Variants in ZNF726 observed in about 807,000 individuals in gnomAD.
ZNF726 encodes the protein zinc finger protein 92 pseudogene 3.
ZNF726 carries 15 observed loss-of-function variants against 11.6 expected under a neutral mutation model. The ratio of observed to expected loss-of-function variants is 1.29; its 90% CI spans 0.86 to 1.99. The LOEUF is 1.99. ZNF726 is among the 30% of genes most tolerant of loss of function. The probability of loss-of-function intolerance (pLI) is 0.00; values close to 1 mark genes in which losing one functional copy is unlikely to be tolerated. For missense variants in ZNF726, 890 were observed against 725.6 expected, an observed-to-expected ratio of 1.23 and a Z score of -2.60; for synonymous variants, 295 against 243.6, an observed-to-expected ratio of 1.21 and a Z score of -1.96.
intron 3 of ZNF726, among the ~76,000 whole-genome samples, chr19:23,926,963 C>G (rs887931695): frequency 6.6e-6 from 1 of 152,000 alleles, no homozygotes; most frequent in Non-Finnish European, 1.5e-5. Context: ...TAAAAAACCC[C>G]TATTTGGATT....
chr19:23,926,189 C>T (rs1440904060), intron 3 of ZNF726, among the ~76,000 whole-genome samples: 1 of 151,974 alleles, frequency 6.6e-6, no homozygotes, highest in African/African-American at 2.4e-5. Context: ...GGTGCTCATG[C>T]ATTTAATTTT....
At chr19:23,923,558 C>T (rs768073981) in intron 3 of ZNF726, 15 of 193,622 alleles carry the variant, frequency 7.7e-5, no homozygotes, top group Non-Finnish European at 1.5e-4. Context: ...ACTATAGGTG[C>T]CGACACCGCG....
At chr19:23,916,032 T>A (rs1435136039) in intron 1 of ZNF726, among the ~76,000 whole-genome samples, 1 of 152,240 alleles carries the variant, frequency 6.6e-6, no homozygotes, top group Admixed American at 6.5e-5. Context: ...TTAGACTTTT[T>A]TTTTAGAAGT....
downstream of ZNF726, among the ~76,000 whole-genome samples, chr19:23,939,219 T>A (rs1300603963): frequency 6.6e-6 from 1 of 151,934 alleles, no homozygotes; most frequent in Non-Finnish European, 1.5e-5. Flanking sequence ...GAACATATGA[T>A]GTTTGGTTTT....
At chr19:23,920,303 T>G in intron 3 of ZNF726, 1 of 313,868 alleles carries the variant, frequency 3.2e-6, no homozygotes, top group Non-Finnish European at 6.2e-6. Flanking sequence ...CCTTAACGTT[T>G]ACAGTGACAG....
chr19:23,934,140 C>A lies in ZNF726; in HGVS notation c.*173C>A, dbSNP rs775077069. 1 of 952,798 alleles carries A rather than the reference C, an allele frequency of 1.0e-6. No individual in the cohort carries two copies. Among genetic ancestry groups the A allele is most frequent in the Non-Finnish European group, 1.7e-6 (1 of 593,308 alleles). 59.0% of individuals were successfully genotyped at this position (952,798 alleles called of 1,614,324 possible). ...TAATTCACACTGGAGAGAAACCTTA[C>A]AAGTGTGAAGAATGTGGGAAAGCTT... On this transcript the variant is annotated 3_prime_UTR_variant, in exon 4 of 4. Transcript: ENST00000594466.
intron 3 of ZNF726, among the ~76,000 whole-genome samples, chr19:23,931,999 T>G (rs1446809165): frequency 6.6e-6 from 1 of 152,162 alleles, no homozygotes; most frequent in African/African-American, 2.4e-5. Flanking sequence ...AAAACAGAAA[T>G]GAAGAGTTTG....
downstream of ZNF726, among the ~76,000 whole-genome samples, chr19:23,937,831 C>A (rs1482542848): frequency 6.6e-6 from 1 of 152,224 alleles, no homozygotes; most frequent in Non-Finnish European, 1.5e-5. Flanking sequence ...CGAGATCACG[C>A]CACTGCACTC....
downstream of ZNF726, among the ~76,000 whole-genome samples, chr19:23,939,162 T>C (rs1172302947): frequency 6.6e-6 from 1 of 150,922 alleles, no homozygotes. Context: ...TATTTTATCA[T>C]TCTTATACCT....
At chr19:23,922,511 G>A (rs1967878158) in intron 3 of ZNF726, among the ~76,000 whole-genome samples, 1 of 152,206 alleles carries the variant, frequency 6.6e-6, no homozygotes, top group Admixed American at 6.5e-5. Context: ...CAAGACTGTG[G>A]CTGTGAAGAG....
chr19:23,915,566 T>C (rs1214579170), intron 1 of ZNF726, among the ~76,000 whole-genome samples: 1 of 152,086 alleles, frequency 6.6e-6, no homozygotes, highest in African/African-American at 2.4e-5. Context: ...GTTGTTATTT[T>C]GTTGTTGTTG....
intron 3 of ZNF726, chr19:23,943,471 A>C (rs1038666104): frequency 3.4e-5 from 20 of 584,848 alleles, no homozygotes; most frequent in East Asian, 1.9e-4. Context: ...AGCAAGTCAT[A>C]TTACTTTTTT....
In ZNF726 at chr19:23,914,951, C is replaced by T. The variant is rs749468383; in HGVS notation, c.-44C>T. 8 of 1,612,878 alleles carry T rather than the reference C, an allele frequency of 5.0e-6. No individual in the cohort carries two copies. In the African/African-American group the frequency reaches 5.3e-5, roughly 11 times the overall value. The stretch of plus-strand genomic sequence containing the variant: ...ACTCTGTGTCTTCTGCTTTTAGGGG[C>T]GCAGCCTCTGTGGCCCTGTGACCTG... On this transcript the variant is annotated 5_prime_UTR_variant, in exon 1 of 4. Coordinates refer to ENST00000594466, the MANE Select transcript of ZNF726 (RefSeq NM_001244038.2).
At position 23,925,713 on chromosome 19, in the gene ZNF726, CTT is replaced by C. The variant is rs1207103965; in HGVS notation, c.226+5649_226+5650del. Among the ~76,000 whole-genome samples, 286 of 112,610 alleles carry C rather than the reference CTT, an allele frequency of 2.5e-3. 1 individual carries two copies. Among genetic ancestry groups the C allele is most frequent in the African/African-American group, 8.5e-3 (225 of 26,404 alleles). The allele number at this position is 112,610 out of a possible 152,430, so 73.9% of individuals were successfully genotyped here. A position where few individuals can be genotyped will look rare whatever the true frequency, so the allele number is the denominator to read the frequency against. On this transcript the variant is annotated intron_variant, in intron 3 of 3. Coordinates refer to ENST00000594466, the MANE Select transcript of ZNF726 (RefSeq NM_001244038.2). ...AATTTGATTGTTCAGTTTTTCTTTT[CTT>C]TTTTTTTTTTTTTTTTTGGGAGATG...
intron 3 of ZNF726, among the ~76,000 whole-genome samples, chr19:23,931,722 G>A (rs1033357259): frequency 8.5e-5 from 13 of 152,050 alleles, no homozygotes; most frequent in Non-Finnish European, 1.8e-4. Flanking sequence ...CTGAAATTTT[G>A]TGTTCAGTTT....
In ZNF726 at chr19:23,933,045, A is replaced by T; in HGVS notation, c.929A>T (p.Glu310Val). 2.5e-6 allele frequency: 4 copies of T among 1,613,656 alleles called. No individual in the cohort carries two copies. The highest frequency in any genetic ancestry group is 3.4e-6 in the Non-Finnish European group (4 of 1,179,952). Residue 310 changes from glutamate (E) to valine (V), a missense_variant, in exon 4 of 4, where the codon GAG (glutamate) becomes GTG (valine). By Grantham distance (121) the Glu-to-Val change is moderately radical (BLOSUM62 -2). Transcript: ENST00000594466. The stretch of plus-strand genomic sequence containing the variant: ...ATACATAAGAGGATGCACATTGGAG[A>T]GAAACCCTACAAATGTGAAGAATGT... Reference protein sequence around the residue: ...LTIHKRMHIGEKPYKCEECGK... With the variant: ...LTIHKRMHIGVKPYKCEECGK...
downstream of ZNF726, chr19:23,935,439 A>G (rs1371818499): frequency 5.8e-6 from 3 of 518,506 alleles, no homozygotes; most frequent in Non-Finnish European, 1.2e-5. Context: ...AGATAAGATA[A>G]CTCATATTGG....
intron 4 of ZNF726, chr19:23,943,899 C>G (rs1179824743): frequency 5.1e-6 from 1 of 195,098 alleles, no homozygotes. Flanking sequence ...ATAAAAATAT[C>G]TCGAGTATTT....
downstream of ZNF726, among the ~76,000 whole-genome samples, chr19:23,937,276 CG>C (rs891236898): frequency 1.9e-4 from 28 of 149,408 alleles, no homozygotes; most frequent in African/African-American, 6.3e-4. Flanking sequence ...GCTGGCCGGG[CG>C]GGGGGCTGAC....
Sources: allele counts gnomAD v4.1 joint callset (sites outside exome capture counted in the v4.1 genomes callset), GRCh38; gene constraint gnomAD v4.1.1; transcripts MANE v1.5; gene names NCBI Gene and HGNC (gene_info 2026-07-23, HGNC 2026-07-21).